Variants in THSD4 observed in about 807,000 individuals in gnomAD.
THSD4 encodes thrombospondin type-1 domain-containing protein 4.
Under a neutral mutation model 119.0 loss-of-function variants are expected in THSD4, and 69 were observed. That is an observed-to-expected ratio of 0.58 (90% confidence interval 0.48 to 0.71). The LOEUF is 0.71. Among genes scored for constraint, THSD4 ranks in the 30% least tolerant of loss-of-function variants. The pLI is 0.00. For synonymous variants in THSD4, 524 were observed against 540.4 expected (o/e 0.97, Z 0.42); for missense variants, 1,393 against 1,391.1 (o/e 1.00, Z -0.02).
intron 3 of THSD4, among the ~76,000 whole-genome samples, chr15:71,162,217 C>G (rs2043255420): frequency 6.6e-6 from 1 of 151,938 alleles, no homozygotes; most frequent in Non-Finnish European, 1.5e-5. Flanking sequence ...TTTACCCAGA[C>G]TGGTTTTGTA....
At position 71,506,645 on chromosome 15, in the gene THSD4, C is replaced by G. The variant is rs138051256; in HGVS notation, c.1152+94822C>G. Among the ~76,000 whole-genome samples, 6 of 152,332 alleles carry G rather than the reference C, an allele frequency of 3.9e-5. No homozygotes were observed. In the East Asian group the frequency reaches 1.2e-3, roughly 29 times the overall value. On this transcript the variant is annotated intron_variant, in intron 7 of 17. Transcript: ENST00000261862. ...CACACAAAACAACACGTTAAACTTT[C>G]AACTTGCGTAAAGGATCAGATGATC...
At chr15:71,671,423 A>G (rs182160746) in intron 8 of THSD4, among the ~76,000 whole-genome samples, 2 of 152,238 alleles carry the variant, frequency 1.3e-5, no homozygotes, top group Admixed American at 6.5e-5. Flanking sequence ...ATTTTTTCCC[A>G]TTCTGTAGGT....
At chr15:71,196,115 T>C (rs529069321) in intron 3 of THSD4, among the ~76,000 whole-genome samples, 1 of 152,334 alleles carries the variant, frequency 6.6e-6, no homozygotes, top group East Asian at 1.9e-4. Flanking sequence ...AAGGGCCGAC[T>C]GCTGAGTCCT....
chr15:71,393,955 C>A (rs981525956), intron 6 of THSD4, among the ~76,000 whole-genome samples: 42 of 152,210 alleles, frequency 2.8e-4, no homozygotes, highest in African/African-American at 9.6e-4. Context: ...AAAATTAAGA[C>A]CCATTGTAGT....
rs556359097 is a variant in THSD4, at chr15:71,638,113, G to A, written c.1153-22417G>A. Among the ~76,000 whole-genome samples the A allele has an allele frequency of 3.5e-4, 53 of 152,258 alleles. 2 individuals are homozygous for A. In the South Asian group the frequency reaches 4.1e-3, roughly 12 times the overall value. On this transcript the variant is annotated intron_variant, in intron 7 of 17. Coordinates refer to ENST00000261862, the MANE Select transcript of THSD4 (RefSeq NM_024817.3). ...ATTATGTTTATTTTACCACGTTTTT[G>A]TTTTAAAAAGTGCAGGAAGCATCAA...
intron 8 of THSD4, among the ~76,000 whole-genome samples, chr15:71,679,376 C>T (rs564124995): frequency 2.0e-4 from 30 of 152,286 alleles, no homozygotes; most frequent in South Asian, 1.2e-3. Flanking sequence ...TCTGTTACAG[C>T]TACTCAGCTG....
At chr15:71,289,376 C>T (rs2044760926) in intron 6 of THSD4, among the ~76,000 whole-genome samples, 1 of 152,158 alleles carries the variant, frequency 6.6e-6, no homozygotes, top group Non-Finnish European at 1.5e-5. Flanking sequence ...ATCCCAGGCT[C>T]AGTTGCACTG....
chr15:71,765,788 C>CTG (rs769139108), intron 16 of THSD4, among the ~76,000 whole-genome samples: 17 of 123,270 alleles, frequency 1.4e-4, no homozygotes, highest in South Asian at 4.5e-4. Flanking sequence ...CGCACACACT[C>CTG]TCTGTGTGTG....
chr15:71,485,177 G>A (rs527559196), intron 7 of THSD4, among the ~76,000 whole-genome samples: 1 of 152,204 alleles, frequency 6.6e-6, no homozygotes, highest in South Asian at 2.1e-4. Flanking sequence ...AGGCCCCACT[G>A]GCTCCACATC....
In THSD4 at chr15:71,291,066, TCTTGA is replaced by T. The variant is rs747635230; in HGVS notation, c.1015+34355_1015+34359del. On this transcript the variant is annotated intron_variant, in intron 6 of 17. Coordinates refer to ENST00000261862, the MANE Select transcript of THSD4 (RefSeq NM_024817.3). The stretch of plus-strand genomic sequence containing the variant: ...TGAATTATCCAGTTAGGATATTCCT[TCTTGA>T]CTTCTTGTAAGGTAACTGGATTGAG... 2.6e-5 allele frequency among the ~76,000 whole-genome samples: 4 copies of T among 152,242 alleles called. No individual in the cohort carries two copies. The East Asian group carries it at 7.8e-4, about 30-fold the overall frequency.
intron 6 of THSD4, among the ~76,000 whole-genome samples, chr15:71,299,065 A>G (rs1436539422): frequency 6.6e-6 from 1 of 152,176 alleles, no homozygotes; most frequent in African/African-American, 2.4e-5. Flanking sequence ...TATCTTACTG[A>G]GTTGGACAGG....
intron 8 of THSD4, among the ~76,000 whole-genome samples, chr15:71,686,724 G>A (rs2051918509): frequency 6.6e-6 from 1 of 152,196 alleles, no homozygotes; most frequent in Non-Finnish European, 1.5e-5. Context: ...GTGGGGGGAA[G>A]CAGTAGCAAG....
chr15:71,118,611 T>C (rs1419517820), intron 1 of THSD4, among the ~76,000 whole-genome samples: 2 of 152,198 alleles, frequency 1.3e-5, no homozygotes, highest in Non-Finnish European at 2.9e-5. Context: ...TTGCCTGGGT[T>C]TGACCCCTCA....
At chr15:71,349,062 C>A (rs1420520986) in intron 6 of THSD4, among the ~76,000 whole-genome samples, 1 of 151,224 alleles carries the variant, frequency 6.6e-6, no homozygotes. Context: ...ATGCCATCTG[C>A]CAACATTTTG....
chr15:71,708,752 C>A (rs746889493), intron 8 of THSD4, among the ~76,000 whole-genome samples: 5 of 152,212 alleles, frequency 3.3e-5, no homozygotes, highest in Non-Finnish European at 7.3e-5. Context: ...CTGAGCCATG[C>A]ATGTGGCAGT....
intron 7 of THSD4, among the ~76,000 whole-genome samples, chr15:71,617,990 C>T (rs955655588): frequency 6.6e-6 from 1 of 152,174 alleles, no homozygotes; most frequent in Non-Finnish European, 1.5e-5. Context: ...TCCAAAGACT[C>T]CAAACAATCA....
intron 7 of THSD4, among the ~76,000 whole-genome samples, chr15:71,524,439 T>C (rs1164523998): frequency 1.3e-5 from 2 of 152,126 alleles, no homozygotes; most frequent in Non-Finnish European, 2.9e-5. Context: ...CTCTGCTGCA[T>C]TGGATGGCTG....
At chr15:71,408,236 G>A (rs2046634443) in intron 6 of THSD4, among the ~76,000 whole-genome samples, 1 of 151,960 alleles carries the variant, frequency 6.6e-6, no homozygotes, top group Non-Finnish European at 1.5e-5. Flanking sequence ...GGTTGTTGTT[G>A]TTGTTTTTGA....
chr15:71,155,144 C>T (rs564760979), intron 3 of THSD4, among the ~76,000 whole-genome samples: 1 of 152,274 alleles, frequency 6.6e-6, no homozygotes, highest in African/African-American at 2.4e-5. Flanking sequence ...TTTATTGGCC[C>T]ACAGTTCTGC....
Sources: allele counts gnomAD v4.1 joint callset (sites outside exome capture counted in the v4.1 genomes callset), GRCh38; gene constraint gnomAD v4.1.1; transcripts MANE v1.5; gene names NCBI Gene and HGNC (gene_info 2026-07-23, HGNC 2026-07-21).